EGF: variants seen among roughly 807,000 people sequenced by gnomAD.
EGF encodes the protein pro-epidermal growth factor.
EGF carries 95 observed loss-of-function variants against 143.8 expected under a neutral mutation model. The ratio of observed to expected loss-of-function variants is 0.66; its 90% CI spans 0.56 to 0.78. The LOEUF is 0.78. Among genes scored for constraint, EGF ranks in the 30% least tolerant of loss-of-function variants. The pLI, the probability that EGF is intolerant of heterozygous loss-of-function variation, is 0.00. For missense variants in EGF, 1,320 were observed against 1,470.9 expected (o/e 0.90, Z 1.68); for synonymous variants, 510 against 510.5 (o/e 1.00, Z 0.01).
At chr4:109,920,687 T>A (rs1000190490) in intron 1 of EGF, among the ~76,000 whole-genome samples, 1 of 151,690 alleles carries the variant, frequency 6.6e-6, no homozygotes, top group Non-Finnish European at 1.5e-5. Context: ...TAGTTTCTCA[T>A]GTGAGAATTA....
chr4:109,913,262 A>T lies in EGF; in HGVS notation c.-74A>T. 2 of 1,599,098 alleles carry T rather than the reference A, an allele frequency of 1.3e-6. No homozygotes were observed. The highest frequency in any genetic ancestry group is 2.2e-5 in the South Asian group (2 of 90,186). ...CAGGCAGCCGCATCTGGGGTCAATC[A>T]TACTCACCTTGCCCGGGCCATGCTC... On this transcript the variant is annotated 5_prime_UTR_variant, in exon 1 of 24. Coordinates refer to ENST00000265171, the MANE Select transcript of EGF (RefSeq NM_001963.6).
chr4:109,983,617 C>T, intron 16 of EGF, 76 bp downstream of exon 16: 3 of 1,591,910 alleles, frequency 1.9e-6, no homozygotes. Flanking sequence ...TTTGAATTAC[C>T]TTTCTAACTT....
chr4:109,948,354 G>A (rs1476414637), intron 5 of EGF, among the ~76,000 whole-genome samples: 2 of 152,216 alleles, frequency 1.3e-5, no homozygotes, highest in Admixed American at 6.5e-5. Flanking sequence ...TTAGAAAGCA[G>A]GAGCTCTTTA....
chr4:110,001,822 C>T, intron 21 of EGF: 1 of 985,400 alleles, frequency 1.0e-6, no homozygotes, highest in Non-Finnish European at 1.2e-6. Flanking sequence ...GAAAGCTCAT[C>T]AGAACCCTTT....
intron 20 of EGF, 21 bp downstream of exon 20, chr4:109,994,901 G>A: frequency 6.2e-7 from 1 of 1,613,958 alleles, no homozygotes; most frequent in Non-Finnish European, 8.5e-7. Flanking sequence ...CTGTCTTGCT[G>A]ATGGCACAGA....
At chr4:109,969,653 G>A (rs1462317037) in intron 11 of EGF, among the ~76,000 whole-genome samples, 1 of 152,040 alleles carries the variant, frequency 6.6e-6, no homozygotes, top group Admixed American at 6.5e-5. Context: ...TTTGTTATCA[G>A]GGAAACTCAA....
Position 109,993,235 on chromosome 4 carries a change from C to T in EGF, c.2735-12C>T. The T allele has an allele frequency of 6.2e-7, 1 of 1,613,492 alleles. No individual in the cohort carries two copies. Among genetic ancestry groups the T allele is most frequent in the Non-Finnish European group, 8.5e-7 (1 of 1,179,848 alleles). On this transcript the variant is annotated splice_polypyrimidine_tract_variant and intron_variant, in intron 18 of 23. Coordinates refer to ENST00000265171, the MANE Select transcript of EGF (RefSeq NM_001963.6). ...CCCACTTTTCTCTCCCGTACTCTGTCTTTTCTGACAGATATTGATGAGTGC... is the reference window on the plus strand; with the variant it reads ...CCCACTTTTCTCTCCCGTACTCTGTTTTTTCTGACAGATATTGATGAGTGC...
In EGF at chr4:109,934,326, A is replaced by G. The variant is rs1306196217; in HGVS notation, c.128-6620A>G. ...AAATATGCAGTTATGTCATCTGCAA[A>G]CAGAGACAATTTGACACATACATAA... On this transcript the variant is annotated intron_variant, in intron 1 of 23. Coordinates refer to ENST00000265171, the MANE Select transcript of EGF (RefSeq NM_001963.6). Among the ~76,000 whole-genome samples, 4 of 152,220 alleles carry G rather than the reference A, an allele frequency of 2.6e-5. No homozygotes were observed. In the East Asian group the frequency reaches 7.7e-4, roughly 29 times the overall value.
Position 109,961,004 on chromosome 4 carries a change from C to T in EGF, c.1189+15C>T, listed in dbSNP as rs750507477. ...ACGATGTCATCGTAAGTTATAGCAA[C>T]AAGTATTTATTGCATTAGTTTTCTT... On this transcript the variant is annotated intron_variant, in intron 7 of 23. Coordinates refer to ENST00000265171, the MANE Select transcript of EGF (RefSeq NM_001963.6). The T allele has an allele frequency of 1.2e-6, 2 of 1,613,170 alleles. No individual in the cohort carries two copies. Among genetic ancestry groups the T allele is most frequent in the Admixed American group, 3.3e-5 (2 of 59,972 alleles).
At chr4:109,995,679 C>T (rs963475555) in intron 20 of EGF, among the ~76,000 whole-genome samples, 11 of 152,200 alleles carry the variant, frequency 7.2e-5, no homozygotes, top group African/African-American at 1.4e-4. Flanking sequence ...AAAACTAATA[C>T]GTCTCCCAGG....
chr4:109,922,100 T>G (rs996947680), intron 1 of EGF, among the ~76,000 whole-genome samples: 1 of 151,686 alleles, frequency 6.6e-6, no homozygotes, highest in South Asian at 2.1e-4. Context: ...CTCCTTGGTG[T>G]GCAAGGAAAT....
chr4:109,930,269 G>A (rs1739456512), intron 1 of EGF, among the ~76,000 whole-genome samples: 1 of 152,196 alleles, frequency 6.6e-6, no homozygotes, highest in African/African-American at 2.4e-5. Flanking sequence ...AAGAGGAGAT[G>A]AGATAGTTTT....
chr4:109,947,503 A>G (rs1743060194), intron 5 of EGF, among the ~76,000 whole-genome samples: 1 of 152,194 alleles, frequency 6.6e-6, no homozygotes, highest in Non-Finnish European at 1.5e-5. Context: ...CTAGCACCAC[A>G]TTAAATAGCA....
intron 21 of EGF, among the ~76,000 whole-genome samples, chr4:110,002,317 C>A (rs1752672289): frequency 6.6e-6 from 1 of 152,078 alleles, no homozygotes; most frequent in African/African-American, 2.4e-5. Flanking sequence ...CATGGCAAAA[C>A]CCTGCCTCTA....
intron 11 of EGF, 150 bp downstream of exon 11, chr4:109,969,269 C>T: frequency 1.0e-6 from 1 of 959,332 alleles, no homozygotes; most frequent in Non-Finnish European, 1.6e-6. Flanking sequence ...GCGGTCCACA[C>T]TCCCTCCACT....
chr4:109,936,136 T>C (rs548241027), intron 1 of EGF, among the ~76,000 whole-genome samples: 10 of 152,356 alleles, frequency 6.6e-5, no homozygotes, highest in African/African-American at 2.2e-4. Context: ...AGCTCCTCTT[T>C]GTACCTCTGG....
chr4:109,934,600 C>T (rs1740417100), intron 1 of EGF, among the ~76,000 whole-genome samples: 3 of 152,202 alleles, frequency 2.0e-5, no homozygotes, highest in Non-Finnish European at 2.9e-5. Context: ...CTTTTGTTGC[C>T]ATTGCTTTTG....
rs754082310 is a variant in EGF, at chr4:109,983,477, TAG to T, written c.2430_2431del (p.Arg810SerfsTer5). The T allele has an allele frequency of 6.2e-7, 1 of 1,613,842 alleles. No individual in the cohort carries two copies. Among genetic ancestry groups the T allele is most frequent in the Non-Finnish European group, 8.5e-7 (1 of 1,179,844 alleles). ...CACCATTGGACATCTTGTCCAAGAC[TAG>T]AGTGTCAGAAGATAACATTACAGAA... ...VTPLDILSKT[R>X]VSEDNITESQ... is the part of the protein sequence containing the mutation. On this transcript the variant is annotated frameshift_variant, in exon 16 of 24. Transcript: ENST00000265171. LOFTEE classifies it high-confidence loss of function.
intron 20 of EGF, among the ~76,000 whole-genome samples, chr4:109,997,718 C>T (rs375744475): frequency 3.4e-4 from 51 of 152,176 alleles, no homozygotes; most frequent in African/African-American, 1.1e-3. Context: ...CCAAAGTTAG[C>T]CAGGTATGGT....
Sources: allele counts gnomAD v4.1 joint callset (sites outside exome capture counted in the v4.1 genomes callset), GRCh38; gene constraint gnomAD v4.1.1; transcripts MANE v1.5; gene names NCBI Gene and HGNC (gene_info 2026-07-23, HGNC 2026-07-21).